PXN: variants seen among roughly 807,000 people sequenced by gnomAD.
The protein encoded by PXN is testicular tissue protein Li 134.
PXN carries 61 observed loss-of-function variants against 103.6 expected under a neutral mutation model. The observed-to-expected ratio is 0.59, with a 90% confidence interval of 0.48 to 0.73. The LOEUF (loss-of-function observed/expected upper bound fraction) is 0.73, where lower values mean the gene tolerates loss of function less well. Ranked by LOEUF, PXN falls within the 30% of genes least tolerant of loss-of-function variation. PXN has a pLI of 0.00. For missense variants in PXN, 1,274 were observed against 1,460.3 expected, an observed-to-expected ratio of 0.87 and a Z score of 2.08; for synonymous variants, 562 against 607.8, an observed-to-expected ratio of 0.92 and a Z score of 1.11.
chr12:120,236,908 G>A (rs1439820162), intron 1 of PXN, among the ~76,000 whole-genome samples: 1 of 151,572 alleles, frequency 6.6e-6, no homozygotes, highest in East Asian at 1.9e-4. Flanking sequence ...GGGCTCAAGT[G>A]ATCTTCCCAC....
At position 120,217,916 on chromosome 12, in the gene PXN, C is replaced by T. The variant is rs972383550; in HGVS notation, c.1717-800G>A. Among the ~76,000 whole-genome samples the T allele has an allele frequency of 2.9e-4, 43 of 147,420 alleles. No homozygotes were observed. Among genetic ancestry groups the T allele is most frequent in the African/African-American group, 1.0e-3 (42 of 40,406 alleles). On this transcript the variant is annotated intron_variant, in intron 7 of 14. Transcript: ENST00000637617. The surrounding 1 kb of genome is among the most constrained non-coding windows in gnomAD (Gnocchi z 4.1). ...CTCAGCTAGCCAGGAACTTTTTTAA[C>T]TAGTTTTTTTTTTCTTATTTATATT...
chr12:120,245,734 G>T lies in PXN; in HGVS notation c.13+19883C>A, dbSNP rs1233631594. Among the ~76,000 whole-genome samples, 6 of 147,358 alleles carry T rather than the reference G, an allele frequency of 4.1e-5. No individual in the cohort carries two copies. In the South Asian group the frequency reaches 8.5e-4, roughly 21 times the overall value. On this transcript the variant is annotated intron_variant, in intron 1 of 14. Coordinates refer to ENST00000637617, the MANE Select transcript of PXN (RefSeq NM_001385981.1). ...ACCCAGGAGGCGGAGCTTTCAGTGA[G>T]CCGAGATCGCACGACTGCACTCCAG...
At position 120,263,835 on chromosome 12, in the gene PXN, C is replaced by T. The variant is rs534019638; in HGVS notation, c.13+1782G>A. The stretch of plus-strand genomic sequence containing the variant: ...GTCAGAAGACAGGAATTCCAGATTT[C>T]GATGGCGAGCTCTACAAAGACTTTC... On this transcript the variant is annotated intron_variant, in intron 1 of 14. Transcript: ENST00000637617. Among the ~76,000 whole-genome samples, 7 of 152,246 alleles carry T rather than the reference C, an allele frequency of 4.6e-5. No individual in the cohort carries two copies. The South Asian group carries it at 8.3e-4, about 18-fold the overall frequency.
At chr12:120,232,414 C>T (rs1039156629) in intron 1 of PXN, among the ~76,000 whole-genome samples, 5 of 152,210 alleles carry the variant, frequency 3.3e-5, no homozygotes, top group African/African-American at 1.2e-4. Flanking sequence ...ATTGTGGACA[C>T]ATTTCATTGG....
Position 120,265,607 on chromosome 12 carries a change from GCTCA to G in PXN, c.13+6_13+9del. 1 of 1,485,976 alleles carries G rather than the reference GCTCA, an allele frequency of 6.7e-7. No homozygotes were observed. The highest frequency in any genetic ancestry group is 8.9e-7 in the Non-Finnish European group (1 of 1,123,788). The allele number at this position is 1,485,976 out of a possible 1,614,324, so 92.0% of individuals were successfully genotyped here. A position where few individuals can be genotyped will look rare whatever the true frequency, so the allele number is the denominator to read the frequency against. Reference sequence around the variant, plus strand: ...TCGCCTCCTCCTCCCTCGGCCTCCCGCTCACTCACCGAGGTCGTCCATGGCCGGA... The same window carrying G: ...TCGCCTCCTCCTCCCTCGGCCTCCCGCTCACCGAGGTCGTCCATGGCCGGA... On this transcript the variant is annotated splice_donor_region_variant and intron_variant, in intron 1 of 14. Transcript: ENST00000637617. This position sits in a 1 kb window ranked among gnomAD's most constrained non-coding sequence, Gnocchi z 5.7.
At position 120,214,881 on chromosome 12, in the gene PXN, C is replaced by T. The variant is rs1882095040; in HGVS notation, c.2692G>A (p.Asp898Asn). 1 of 1,614,002 alleles carries T rather than the reference C, an allele frequency of 6.2e-7. No individual in the cohort carries two copies. The highest frequency in any genetic ancestry group is 1.1e-5 in the South Asian group (1 of 91,086). The part of the protein sequence containing the change: ...ERDGQPYCEK[D>N]YHNLFSPRCY... Reference sequence around the variant, plus strand: ...CGCGGGGAGAAGAGGTTGTGGTAGTCCTTTTCACAGTAGGGCTGTCCATCC... The same window carrying T: ...CGCGGGGAGAAGAGGTTGTGGTAGTTCTTTTCACAGTAGGGCTGTCCATCC... Residue 898 changes from aspartate (D) to asparagine (N), a missense_variant, in exon 12 of 15, where the codon GAC becomes AAC. Physicochemically the swap from Asp to Asn is conservative, Grantham distance 23. Transcript: ENST00000637617. The surrounding 1 kb of genome is among the most constrained non-coding windows in gnomAD (Gnocchi z 5.0).
rs763037804 is a variant in PXN, at chr12:120,216,705, T to C, written c.1993-124A>G. The C allele has an allele frequency of 1.2e-5, 19 of 1,593,254 alleles. No individual in the cohort carries two copies. The South Asian group carries it at 2.1e-4, about 18-fold the overall frequency. ...TCTGCACCAAGAGTGGGGCCAGTCT[T>C]CCAAAGTCACAGGAGGCAAGAAACC... On this transcript the variant is annotated intron_variant, in intron 8 of 14. Coordinates refer to ENST00000637617, the MANE Select transcript of PXN (RefSeq NM_001385981.1). The surrounding 1 kb of genome is among the most constrained non-coding windows in gnomAD (Gnocchi z 5.1).
intron 1 of PXN, among the ~76,000 whole-genome samples, chr12:120,258,417 TAGTC>T (rs1473025194): frequency 5.9e-5 from 9 of 152,224 alleles, no homozygotes; most frequent in Admixed American, 6.5e-5. Flanking sequence ...TCCCAGATGA[TAGTC>T]AGCAGTCACT....
Position 120,221,837 on chromosome 12 carries a change from C to A in PXN, c.696-79G>T. On this transcript the variant is annotated intron_variant, in intron 5 of 14. Transcript: ENST00000637617. The surrounding 1 kb of genome is among the most constrained non-coding windows in gnomAD (Gnocchi z 6.6). ...CGGGGATCAGATCGACCTCTCACCT[C>A]GGACACTGGGGTCTCACCATCCCCA... is the stretch of plus-strand genomic sequence containing the variant. 1 of 1,477,628 alleles carries A rather than the reference C, an allele frequency of 6.8e-7. No individual in the cohort carries two copies. Among genetic ancestry groups the A allele is most frequent in the South Asian group, 1.3e-5 (1 of 75,550 alleles). The allele number at this position is 1,477,628 out of a possible 1,614,324, so 91.5% of individuals were successfully genotyped here. A position where few individuals can be genotyped will look rare whatever the true frequency, so the allele number is the denominator to read the frequency against.
chr12:120,258,296 TTAA>T (rs1356153818), intron 1 of PXN, among the ~76,000 whole-genome samples: 2 of 152,106 alleles, frequency 1.3e-5, no homozygotes, highest in Admixed American at 6.6e-5. Flanking sequence ...CCTGGTCTGA[TTAA>T]TGTCATCATG....
chr12:120,219,229 T>C lies in PXN; in HGVS notation c.1694A>G (p.Glu565Gly). ...AMAMGTPSTT[E>G]RISTSGQIRS... ...TGCCTGGCCAGAGGTGGAAATCCTC[T>C]CCGTGGTGCTGGGTGTGCCCATGGC... Residue 565 changes from glutamate (E) to glycine (G), a missense_variant, in exon 7 of 15, where the codon GAG (glutamate) becomes GGG (glycine). By Grantham distance (98) the Glu-to-Gly change is moderately conservative. Transcript: ENST00000637617. The surrounding 1 kb of genome is among the most constrained non-coding windows in gnomAD (Gnocchi z 6.5). 1 of 1,583,904 alleles carries C rather than the reference T, an allele frequency of 6.3e-7. No homozygotes were observed. The highest frequency in any genetic ancestry group is 8.5e-7 in the Non-Finnish European group (1 of 1,170,048).
Position 120,215,938 on chromosome 12 carries a change from G to A in PXN, c.2302-277C>T. On this transcript the variant is annotated intron_variant, in intron 9 of 14. Transcript: ENST00000637617. The surrounding 1 kb of genome is among the most constrained non-coding windows in gnomAD (Gnocchi z 4.9). ...CAGTGATGAGGCCTCACCGGGCGCT[G>A]GGCCTGGGGGCTGGAAGGGAGGAGA... The A allele has an allele frequency of 7.2e-7, 1 of 1,385,894 alleles. No individual in the cohort carries two copies. Among genetic ancestry groups the A allele is most frequent in the Non-Finnish European group, 9.3e-7 (1 of 1,071,028 alleles). The allele number at this position is 1,385,894 out of a possible 1,614,324, so 85.8% of individuals were successfully genotyped here. A position where few individuals can be genotyped will look rare whatever the true frequency, so the allele number is the denominator to read the frequency against.
At chr12:120,232,753 C>T (rs535825788) in intron 1 of PXN, among the ~76,000 whole-genome samples, 2 of 152,230 alleles carry the variant, frequency 1.3e-5, no homozygotes, top group East Asian at 1.9e-4. Flanking sequence ...CACAGAGACC[C>T]GAACAAAAAG....
At chr12:120,239,927 CTTT>C (rs1407377098) in intron 1 of PXN, among the ~76,000 whole-genome samples, 16 of 136,232 alleles carry the variant, frequency 1.2e-4, no homozygotes, top group Non-Finnish European at 1.4e-4. Flanking sequence ...ATCTAGCTCC[CTTT>C]TTTTTTTTTT....
Position 120,265,264 on chromosome 12 carries a change from G to T in PXN, c.13+353C>A, listed in dbSNP as rs1253354672. ...TGAGGGTCCCGTAGCTGACGAGGTG[G>T]TCTGCCGCAGGAAGTCTCGTCCCTG... is the stretch of plus-strand genomic sequence containing the variant. On this transcript the variant is annotated intron_variant, in intron 1 of 14. Transcript: ENST00000637617. This position sits in a 1 kb window ranked among gnomAD's most constrained non-coding sequence, Gnocchi z 5.7. Among the ~76,000 whole-genome samples the T allele has an allele frequency of 6.6e-6, 1 of 152,026 alleles. No homozygotes were observed. The highest frequency in any genetic ancestry group is 2.4e-5 in the African/African-American group (1 of 41,394).
At chr12:120,238,092 G>A (rs1889437927) in intron 1 of PXN, among the ~76,000 whole-genome samples, 1 of 152,208 alleles carries the variant, frequency 6.6e-6, no homozygotes, top group Admixed American at 6.5e-5. Context: ...CCTGGACAGG[G>A]AGGAAGCAGA....
chr12:120,255,858 C>T (rs1566435724), intron 1 of PXN, among the ~76,000 whole-genome samples: 1 of 138,726 alleles, frequency 7.2e-6, no homozygotes, highest in Non-Finnish European at 1.5e-5. Context: ...CCAGCCTGGC[C>T]AACATGGCAA....
Position 120,219,487 on chromosome 12 carries a change from C to A in PXN, c.1436G>T (p.Trp479Leu). ...VDRQAIFPDT[W>L]TLTEEHGLQQ... The stretch of plus-strand genomic sequence containing the variant: ...TAGGCCATGTTCCTCCGTGAGAGTC[C>A]AGGTATCTGGGAAGATGGCCTGCCG... The change falls in exon 7 of 15, where the codon TGG (tryptophan) becomes TTG (leucine). Residue 479 changes from tryptophan (W) to leucine (L), a missense_variant. By Grantham distance (61) the Trp-to-Leu change is moderately conservative (BLOSUM62 -2). This residue lies in a region of PXN where 1,178 missense variants were observed against 1,309.0 expected (regional missense o/e 0.90). Coordinates refer to ENST00000637617, the MANE Select transcript of PXN (RefSeq NM_001385981.1). This position sits in a 1 kb window ranked among gnomAD's most constrained non-coding sequence, Gnocchi z 6.5. 1 of 1,597,980 alleles carries A rather than the reference C, an allele frequency of 6.3e-7. No homozygotes were observed. Among genetic ancestry groups the A allele is most frequent in the African/African-American group, 1.3e-5 (1 of 75,038 alleles).
At chr12:120,232,147 G>A (rs1211500083) in intron 1 of PXN, among the ~76,000 whole-genome samples, 1 of 152,074 alleles carries the variant, frequency 6.6e-6, no homozygotes, top group Admixed American at 6.6e-5. Context: ...TCAGCCTCCC[G>A]AGTAGCTAGG....
Sources: allele counts gnomAD v4.1 joint callset (sites outside exome capture counted in the v4.1 genomes callset), GRCh38; gene constraint gnomAD v4.1.1; regional missense constraint gnomAD v4.1.1; non-coding constraint Gnocchi (gnomAD v3.1); transcripts MANE v1.5; gene names NCBI Gene and HGNC (gene_info 2026-07-23, HGNC 2026-07-21).